Variants in HTR2C observed in about 807,000 individuals in gnomAD.
The protein encoded by HTR2C is 5-hydroxytryptamine (serotonin) receptor 2C, G protein-coupled.
Under a neutral mutation model 21.0 loss-of-function variants are expected in HTR2C, and 5 were observed. That is an observed-to-expected ratio of 0.24 (90% CI 0.12 to 0.50). HTR2C has a LOEUF of 0.50. HTR2C is among the 20% of genes least tolerant of loss of function. HTR2C has a pLI of 0.98. For synonymous variants in HTR2C, 150 were observed against 145.3 expected (o/e 1.03, Z -0.23); for missense variants, 271 against 371.2 (o/e 0.73, Z 2.22).
At chrX:114,623,389 C>T (rs945499091) in intron 2 of HTR2C, among the ~76,000 whole-genome samples, 3 of 112,144 alleles carry the variant, frequency 2.7e-5, no homozygotes, top group Admixed American at 9.5e-5. Context: ...CCTTACTTAC[C>T]TTAACCATAA....
intron 5 of HTR2C, among the ~76,000 whole-genome samples, chrX:114,886,724 CT>C (rs201242490): frequency 0.034 from 3,776 of 110,604 alleles, 163 homozygotes; most frequent in African/African-American, 0.11. Flanking sequence ...ATAATTATTA[CT>C]TTATGTAATT....
intron 4 of HTR2C, among the ~76,000 whole-genome samples, chrX:114,797,316 T>A (rs1556445527): frequency 1.8e-5 from 2 of 111,638 alleles, no homozygotes; most frequent in South Asian, 3.7e-4. Flanking sequence ...TATTTTTGTC[T>A]CTCTATATCT....
At chrX:114,781,758 C>T (rs1244097193) in intron 4 of HTR2C, among the ~76,000 whole-genome samples, 1 of 106,378 alleles carries the variant, frequency 9.4e-6, no homozygotes, top group African/African-American at 3.5e-5. Flanking sequence ...GCCTCAGCCT[C>T]TGAAAGTGCT....
At chrX:114,782,127 CAAAAA>C (rs782535480) in intron 4 of HTR2C, among the ~76,000 whole-genome samples, 5 of 72,863 alleles carry the variant, frequency 6.9e-5, no homozygotes, top group African/African-American at 2.7e-4. Flanking sequence ...CTGACTTCTC[CAAAAA>C]AAAAAAAAAA....
chrX:114,837,067 T>A (rs782496284), intron 4 of HTR2C, among the ~76,000 whole-genome samples: 19 of 112,107 alleles, frequency 1.7e-4, no homozygotes, highest in African/African-American at 5.5e-4. Context: ...AATCTTAGTT[T>A]GCTGAAATTT....
At chrX:114,677,104 G>A (rs782119402) in intron 2 of HTR2C, among the ~76,000 whole-genome samples, 58 of 111,925 alleles carry the variant, frequency 5.2e-4, no homozygotes, top group Middle Eastern at 9.3e-3. Context: ...TGCAGGGCCC[G>A]TGTTGAAGGG....
rs1930089463 is a variant in HTR2C at position 114,641,036 on chromosome X, CTTTCTTTCTTTCTTTCTTTT to C, written c.-80+27163_-80+27182del. On this transcript the variant is annotated intron_variant, in intron 2 of 5. Transcript: ENST00000276198. ...TTCTCCTTTCTTTCTTTCTTCCTTT[CTTTCTTTCTTTCTTTCTTTT>C]TTTCTTTTCTTTTCTTTTCTTTTCT... Among the ~76,000 whole-genome samples the C allele has an allele frequency of 9.6e-4, 7 of 7,273 alleles. No homozygotes were observed. In the East Asian group the frequency reaches 0.21, roughly 220 times the overall value. 6.3% of individuals were successfully genotyped at this position (7,273 alleles called of 115,157 possible). A position where few individuals can be genotyped will look rare whatever the true frequency, so the allele number is the denominator to read the frequency against.
intron 2 of HTR2C, among the ~76,000 whole-genome samples, chrX:114,695,105 C>T (rs188896564): frequency 2.4e-3 from 271 of 111,578 alleles, no homozygotes; most frequent in African/African-American, 2.4e-3. Context: ...TCACGCAAAC[C>T]GATTACCTAA....
rs782779858 is a variant in HTR2C, at chrX:114,790,944, G to T, written c.350-57059G>T. Among the ~76,000 whole-genome samples the T allele has an allele frequency of 2.5e-3, 278 of 110,966 alleles. 1 individual carries two copies. Among genetic ancestry groups the T allele is most frequent in the African/African-American group, 8.7e-3 (267 of 30,587 alleles). On this transcript the variant is annotated intron_variant, in intron 4 of 5. Transcript: ENST00000276198. ...ATAAGCAAATGAGAGGTTGCAATGA[G>T]CTGAAATCACATCACTGCATTCCAG... is the stretch of plus-strand genomic sequence containing the variant.
Position 114,800,674 on chromosome X carries a change from A to T in HTR2C, c.350-47329A>T, listed in dbSNP as rs73222952. ...GCTGGTAATAAGCTGAAATAGCTCC[A>T]TGTGTCACTGCAACATTTACGTAAA... is the stretch of plus-strand genomic sequence containing the variant. On this transcript the variant is annotated intron_variant, in intron 4 of 5. Coordinates refer to ENST00000276198, the MANE Select transcript of HTR2C (RefSeq NM_000868.4). Among the ~76,000 whole-genome samples, 227 of 111,679 alleles carry T rather than the reference A, an allele frequency of 2.0e-3. 1 individual carries two copies. In the Middle Eastern group the frequency reaches 0.023, roughly 11 times the overall value.
chrX:114,681,345 A>G lies in HTR2C; in HGVS notation c.-79-45513A>G, dbSNP rs1931740042. Among the ~76,000 whole-genome samples, 3 of 111,084 alleles carry G rather than the reference A, an allele frequency of 2.7e-5. No homozygotes were observed. The Admixed American group carries it at 2.9e-4, about 11-fold the overall frequency. On this transcript the variant is annotated intron_variant, in intron 2 of 5. Coordinates refer to ENST00000276198, the MANE Select transcript of HTR2C (RefSeq NM_000868.4). ...AGGCTTAATAATTATTATAATTAAC[A>G]TCTTTTGAGTTCCTACTAGGTATTA...
rs190359454 is a variant in HTR2C, at chrX:114,611,922, C to T, written c.-146-1893C>T. On this transcript the variant is annotated intron_variant, in intron 1 of 5. Coordinates refer to ENST00000276198, the MANE Select transcript of HTR2C (RefSeq NM_000868.4). The stretch of plus-strand genomic sequence containing the variant: ...CCGTGTTAGCCAGGATGGTCTCGAT[C>T]TCCTGACCTCGTGATCCTCCTGCCT... Among the ~76,000 whole-genome samples, 456 of 111,182 alleles carry T rather than the reference C, an allele frequency of 4.1e-3. 4 individuals carry two copies. Among genetic ancestry groups the T allele is most frequent in the African/African-American group, 0.013 (396 of 30,529 alleles).
chrX:114,823,648 T>C, intron 4 of HTR2C: 1 of 300,680 alleles, frequency 3.3e-6, no homozygotes, highest in Non-Finnish European at 6.6e-6. Flanking sequence ...TAGAGCTGCA[T>C]CACTAGAAAG....
chrX:114,771,356 CCTT>C (rs1281727982), intron 4 of HTR2C, among the ~76,000 whole-genome samples: 4 of 111,204 alleles, frequency 3.6e-5, no homozygotes, highest in Admixed American at 2.9e-4. Context: ...TATTTTTAAT[CCTT>C]CTTAAGAGTT....
At chrX:114,749,545 A>G (rs1208686578) in intron 4 of HTR2C, among the ~76,000 whole-genome samples, 2 of 108,098 alleles carry the variant, frequency 1.9e-5, no homozygotes, top group Non-Finnish European at 3.8e-5. Flanking sequence ...ACCCTGAAAT[A>G]TGGCAAATAG....
At chrX:114,869,532 A>C (rs1401694251) in intron 5 of HTR2C, among the ~76,000 whole-genome samples, 1 of 112,290 alleles carries the variant, frequency 8.9e-6, no homozygotes, top group East Asian at 2.8e-4. Context: ...AACTTTACTA[A>C]ATTTGTTTAT....
chrX:114,707,873 TA>T (rs1417643811), intron 2 of HTR2C, among the ~76,000 whole-genome samples: 2 of 109,734 alleles, frequency 1.8e-5, no homozygotes, highest in African/African-American at 6.6e-5. Context: ...GCCTATTTAC[TA>T]TATAATAGTA....
At chrX:114,681,409 C>T (rs781887638) in intron 2 of HTR2C, among the ~76,000 whole-genome samples, 4 of 110,929 alleles carry the variant, frequency 3.6e-5, no homozygotes, top group South Asian at 3.8e-4. Context: ...TTTCCCACAA[C>T]TCTTTGAAAT....
At chrX:114,798,610 A>G (rs782164600) in intron 4 of HTR2C, among the ~76,000 whole-genome samples, 1 of 111,751 alleles carries the variant, frequency 8.9e-6, no homozygotes, top group Non-Finnish European at 1.9e-5. Context: ...GTTTCAGGCC[A>G]GAAGTAGGTT....
Sources: gnomAD v4.1 joint callset for allele counts (sites outside exome capture counted in the v4.1 genomes callset) on GRCh38, gnomAD v4.1.1 for gene constraint, MANE v1.5 for transcripts, NCBI Gene and HGNC (gene_info 2026-07-23, HGNC 2026-07-21) for gene names.